Variants in CEP152 observed in about 807,000 individuals in gnomAD.
The protein encoded by CEP152 is centrosomal protein 152, also known as centrosomal protein of 152 kDa.
Under a neutral mutation model 188.9 loss-of-function variants are expected in CEP152, and 132 were observed. The ratio of observed to expected loss-of-function variants is 0.70; its 90% confidence interval spans 0.61 to 0.81. The LOEUF (loss-of-function observed/expected upper bound fraction) is 0.81. Among genes scored for constraint, CEP152 ranks in the 30% least tolerant of loss-of-function variants. The pLI is 0.00. For missense variants in CEP152, 1,914 were observed against 1,969.8 expected (o/e 0.97, Z 0.54); for synonymous variants, 649 against 666.6 (o/e 0.97, Z 0.41).
At chr15:48,750,456 T>C (rs931038244) in intron 21 of CEP152, among the ~76,000 whole-genome samples, 11 of 152,160 alleles carry the variant, frequency 7.2e-5, no homozygotes, top group Non-Finnish European at 1.5e-4. Flanking sequence ...CTTAGCTCTC[T>C]CCTGACATTT....
intron 24 of CEP152, among the ~76,000 whole-genome samples, chr15:48,743,489 T>A (rs1171683073): frequency 1.3e-5 from 2 of 152,164 alleles, no homozygotes; most frequent in African/African-American, 4.8e-5. Context: ...AAGGACTTGA[T>A]AAATTTATAG....
At chr15:48,772,338 G>A in intron 13 of CEP152, 149 bp downstream of exon 13, 1 of 684,200 alleles carries the variant, frequency 1.5e-6, no homozygotes, top group South Asian at 1.7e-5. Context: ...TTTAGCCTGG[G>A]AGGTTGAGGC....
intron 7 of CEP152, 101 bp from the exon 8 acceptor site, chr15:48,791,477 T>C (rs1896985154): frequency 2.9e-6 from 3 of 1,033,838 alleles, no homozygotes; most frequent in East Asian, 2.4e-5. Flanking sequence ...ATAAATGTTG[T>C]TGAATTAAAT....
Position 48,781,235 on chromosome 15 carries a change from C to A in CEP152, c.1538G>T (p.Gly513Val), listed in dbSNP as rs750550027. ...TTTTTTCCAGTTGACCTTTTTAATA[C>A]CCAAATCCACATACGATTCAGTGAG... Reference protein sequence around the residue: ...IELTESYVDLGIKKVNWKKSK... With the variant: ...IELTESYVDLVIKKVNWKKSK... Residue 513 changes from glycine to valine, a missense_variant, in exon 12 of 27, where the codon GGT becomes GTT. By Grantham distance (109) the Gly-to-Val change is moderately radical. Transcript: ENST00000380950. 10 of 1,613,502 alleles carry A rather than the reference C, an allele frequency of 6.2e-6. No individual in the cohort carries two copies. In the East Asian group the frequency reaches 1.8e-4, roughly 29 times the overall value.
At chr15:48,807,428 G>A (rs1898051826) in intron 1 of CEP152, among the ~76,000 whole-genome samples, 1 of 152,130 alleles carries the variant, frequency 6.6e-6, no homozygotes, top group African/African-American at 2.4e-5. Flanking sequence ...TAAAAGAGAT[G>A]CCTGTAGTCC....
intron 19 of CEP152, among the ~76,000 whole-genome samples, chr15:48,758,271 C>A (rs915573537): frequency 1.6e-4 from 25 of 152,182 alleles, no homozygotes; most frequent in African/African-American, 5.8e-4. Flanking sequence ...ACTCTATAGC[C>A]AATGCTATGG....
At chr15:48,772,322 C>A (rs1239176423) in intron 13 of CEP152, among the ~76,000 whole-genome samples, 165 bp downstream of exon 13, 1 of 151,860 alleles carries the variant, frequency 6.6e-6, no homozygotes, top group Non-Finnish European at 1.5e-5. Flanking sequence ...GAGGTGGGAG[C>A]ATCGCTTTAG....
chr15:48,773,133 T>C (rs1316138650), intron 12 of CEP152: 1 of 159,564 alleles, frequency 6.3e-6, no homozygotes, highest in African/African-American at 2.4e-5. Context: ...TGGGTGAATA[T>C]CTGAGTAACT....
chr15:48,748,539 G>T lies in CEP152; in HGVS notation c.3538C>A (p.Gln1180Lys), dbSNP rs751912220. Residue 1180 changes from glutamine (Q) to lysine (K), a missense_variant, in exon 22 of 27, where the codon CAG becomes AAG. Physicochemically the swap from Gln to Lys is moderately conservative, Grantham distance 53 (BLOSUM62 1). Transcript: ENST00000380950. ...HCFQELEKAK[Q>K]ECQDLKGKLE... The stretch of plus-strand genomic sequence containing the variant: ...TTTCCTTTCAGATCTTGACATTCCT[G>T]CTTTGCCTTTTCAAGTTCTTGGAAG... 3 of 1,533,962 alleles carry T rather than the reference G, an allele frequency of 2.0e-6. No homozygotes were observed. Among genetic ancestry groups the T allele is most frequent in the Non-Finnish European group, 2.6e-6 (3 of 1,145,944 alleles).
At chr15:48,773,355 G>A (rs895556777) in intron 12 of CEP152, 2 of 152,896 alleles carry the variant, frequency 1.3e-5, no homozygotes, top group African/African-American at 4.8e-5. Flanking sequence ...GGATTCCTGA[G>A]AAAAGGAAAG....
intron 12 of CEP152, chr15:48,773,586 A>T (rs12443492): frequency 0.24 from 36,403 of 152,136 alleles, 6,223 homozygotes; most frequent in East Asian, 0.47. Context: ...GTTCTGTATG[A>T]GTGGCTAGGG....
Position 48,796,047 on chromosome 15 carries a change from G to A in CEP152, c.654C>T (p.Phe218=), listed in dbSNP as rs367623474. The A allele has an allele frequency of 1.2e-5, 19 of 1,613,688 alleles. No individual in the cohort carries two copies. The highest frequency in any genetic ancestry group is 2.7e-5 in the African/African-American group (2 of 74,870). ...CTAAAAATTGTTGTTGCAGGCCTTC[G>A]AATGTGTCACTTCCTGTTATCTCCT... The part of the protein sequence containing the change: ...PAQEITGSDT[F]EGLQQQFLGA... Residue 218 remains phenylalanine (F), a synonymous_variant, in exon 6 of 27, where the codon TTC becomes TTT. Coordinates refer to ENST00000380950, the MANE Select transcript of CEP152 (RefSeq NM_001194998.2).
rs114085678 is a variant in CEP152 at position 48,739,083 on chromosome 15, A to G, written c.4299T>C (p.His1433=). 2.7e-3 allele frequency: 4,397 copies of G among 1,614,178 alleles called. 113 individuals carry two copies. The African/African-American group carries it at 0.052, about 19-fold the overall frequency. The change falls in exon 27 of 27, where the codon CAT becomes CAC. Residue 1433 remains histidine, a synonymous_variant. Transcript: ENST00000380950. ...LENSEHQSIK[H]VGSKETHLEF... ...CCAAATGTGTCTCTTTGGATCCCAC[A>G]TGCTTTATGCTCTGATGCTCTGAGT...
intron 22 of CEP152, among the ~76,000 whole-genome samples, chr15:48,746,833 TA>T (rs1170234307): frequency 2.0e-5 from 3 of 152,144 alleles, no homozygotes; most frequent in Non-Finnish European, 4.4e-5. Flanking sequence ...ACAGGAGGAC[TA>T]AACAGGTCTG....
At chr15:48,770,338 A>G (rs770422773) in intron 13 of CEP152, among the ~76,000 whole-genome samples, 4 of 152,162 alleles carry the variant, frequency 2.6e-5, no homozygotes, top group African/African-American at 7.2e-5. Context: ...ATGGCAATAG[A>G]GTAGCTGGAC....
downstream of CEP152, among the ~76,000 whole-genome samples, chr15:48,736,026 A>G (rs1190651381): frequency 1.3e-5 from 2 of 152,224 alleles, no homozygotes; most frequent in African/African-American, 4.8e-5. Context: ...GTGTCAACAA[A>G]TTAGACAATT....
Position 48,739,236 on chromosome 15 carries a change from ATTTCTT to A in CEP152, c.4140_4145del (p.Lys1380_Arg1381del). The A allele has an allele frequency of 6.2e-7, 1 of 1,613,472 alleles. No individual in the cohort carries two copies. The highest frequency in any genetic ancestry group is 8.5e-7 in the Non-Finnish European group (1 of 1,179,862). ...AACATGGTATTTTCTGATTCACATC[ATTTCTT>A]TTTGATTTTTTAACTGCAATCAGCA... On this transcript the variant is annotated inframe_deletion, in exon 27 of 27. Coordinates refer to ENST00000380950, the MANE Select transcript of CEP152 (RefSeq NM_001194998.2).
chr15:48,752,966 T>C (rs951714625), intron 20 of CEP152, among the ~76,000 whole-genome samples: 8 of 152,204 alleles, frequency 5.3e-5, no homozygotes, highest in Non-Finnish European at 1.0e-4. Context: ...TACTTTAACA[T>C]ACACAGTAAT....
At chr15:48,729,891 G>T (rs190671386) in intron 2 of CEP152, 1 of 151,520 alleles carries the variant, frequency 6.6e-6, no homozygotes, top group Admixed American at 6.6e-5. Flanking sequence ...GGAAAATAAA[G>T]AAAAAATTAA....
Sources: allele counts gnomAD v4.1 joint callset (sites outside exome capture counted in the v4.1 genomes callset), GRCh38; gene constraint gnomAD v4.1.1; transcripts MANE v1.5; gene names NCBI Gene and HGNC (gene_info 2026-07-23, HGNC 2026-07-21).